Variants in JMJD1C observed in about 807,000 individuals in gnomAD.
JMJD1C encodes jumonji domain-containing protein 1C.
JMJD1C carries 31 observed loss-of-function variants against 245.3 expected under a neutral mutation model. The observed-to-expected ratio is 0.13, with a 90% CI of 0.09 to 0.17. JMJD1C has a LOEUF of 0.17. Ranked by LOEUF, JMJD1C falls within the 10% of genes least tolerant of loss-of-function variation. The probability of loss-of-function intolerance (pLI) is 1.00; values close to 1 mark genes in which losing one functional copy is unlikely to be tolerated. For missense variants in JMJD1C, 2,691 were observed against 3,000.2 expected, an observed-to-expected ratio of 0.90 and a Z score of 2.41; for synonymous variants, 1,057 against 1,017.4, an observed-to-expected ratio of 1.04 and a Z score of -0.74.
At chr10:63,272,974 AAC>A (rs1856472456) in intron 2 of JMJD1C, among the ~76,000 whole-genome samples, 1 of 152,236 alleles carries the variant, frequency 6.6e-6, no homozygotes, top group Non-Finnish European at 1.5e-5. Context: ...CATTCTTAGT[AAC>A]ACAAATGTAC....
intron 20 of JMJD1C, among the ~76,000 whole-genome samples, chr10:63,185,269 T>C (rs1241790466): frequency 6.6e-6 from 1 of 152,206 alleles, no homozygotes; most frequent in East Asian, 1.9e-4. Flanking sequence ...TAGCTGGGAC[T>C]ACAGATGCCT....
chr10:63,315,721 T>A (rs910746565), intron 2 of JMJD1C, among the ~76,000 whole-genome samples: 1 of 151,258 alleles, frequency 6.6e-6, no homozygotes, highest in East Asian at 1.9e-4. Context: ...GCACCTGTAG[T>A]CCCAGCTACT....
At chr10:63,357,864 C>G (rs867493654) in intron 2 of JMJD1C, among the ~76,000 whole-genome samples, 5 of 128,574 alleles carry the variant, frequency 3.9e-5, no homozygotes, top group African/African-American at 1.1e-4. Context: ...CACACACACA[C>G]ACAGAGACAA....
At chr10:63,276,196 G>A (rs1856751934) in intron 2 of JMJD1C, among the ~76,000 whole-genome samples, 1 of 152,164 alleles carries the variant, frequency 6.6e-6, no homozygotes, top group Admixed American at 6.5e-5. Context: ...GCCGGGCACG[G>A]TGGCTCATAC....
chr10:63,241,609 C>T (rs1365849625), intron 3 of JMJD1C, among the ~76,000 whole-genome samples: 1 of 147,688 alleles, frequency 6.8e-6, no homozygotes, highest in Non-Finnish European at 1.5e-5. Context: ...TCATTTTCTA[C>T]TAATTTTCAC....
intron 3 of JMJD1C, chr10:63,222,195 C>G: frequency 1.3e-6 from 1 of 756,182 alleles, no homozygotes; most frequent in Non-Finnish European, 2.5e-6. Flanking sequence ...ATCAACTTGA[C>G]TGACACCATG....
intron 1 of JMJD1C, among the ~76,000 whole-genome samples, chr10:63,458,356 C>T (rs969194485): frequency 6.6e-6 from 1 of 152,000 alleles, no homozygotes. Context: ...GGCATGGTGG[C>T]TCATTCCTGT....
At chr10:63,505,087 C>T (rs1023302178) in intron 1 of JMJD1C, among the ~76,000 whole-genome samples, 13 of 152,002 alleles carry the variant, frequency 8.6e-5, no homozygotes, top group Non-Finnish European at 1.6e-4. Context: ...CCTAGGCAGG[C>T]GGATCACGAG....
intron 1 of JMJD1C, among the ~76,000 whole-genome samples, chr10:63,479,466 T>C (rs1953764541): frequency 6.6e-6 from 1 of 152,116 alleles, no homozygotes; most frequent in African/African-American, 2.4e-5. Context: ...TACTCAAATG[T>C]CCTCAATTAC....
At chr10:63,516,271 T>G (rs1200289902) in intron 1 of JMJD1C, among the ~76,000 whole-genome samples, 1 of 149,948 alleles carries the variant, frequency 6.7e-6, no homozygotes, top group Non-Finnish European at 1.5e-5. Context: ...AGACTGCCTG[T>G]GAAATGAACT....
chr10:63,199,989 C>A (rs991406801), intron 11 of JMJD1C, among the ~76,000 whole-genome samples: 2 of 152,098 alleles, frequency 1.3e-5, no homozygotes, highest in African/African-American at 4.8e-5. Flanking sequence ...AGTTGTCCTA[C>A]CACAGTTAAT....
intron 1 of JMJD1C, among the ~76,000 whole-genome samples, chr10:63,413,968 A>G (rs910187500): frequency 1.3e-5 from 2 of 151,850 alleles, no homozygotes; most frequent in Non-Finnish European, 2.9e-5. Context: ...GGATTTCTTA[A>G]AAGTATGCTA....
intron 2 of JMJD1C, among the ~76,000 whole-genome samples, chr10:63,271,474 G>A (rs570837669): frequency 3.3e-5 from 5 of 152,118 alleles, no homozygotes; most frequent in South Asian, 4.1e-4. Context: ...CACCATGCCC[G>A]GATGTAAATA....
At chr10:63,443,254 T>C (rs1951499584) in intron 1 of JMJD1C, among the ~76,000 whole-genome samples, 2 of 152,174 alleles carry the variant, frequency 1.3e-5, no homozygotes, top group South Asian at 4.1e-4. Context: ...TCTCAGGGTG[T>C]CACCCTCTCA....
chr10:63,176,512 A>C (rs1842869911), intron 23 of JMJD1C, 39 bp from the exon 24 acceptor site: 1 of 1,459,830 alleles, frequency 6.9e-7, no homozygotes, highest in African/African-American at 1.4e-5. Context: ...AATTTAAGTA[A>C]GGAAATGGTA....
At chr10:63,269,890 T>C (rs932584866) in intron 2 of JMJD1C, among the ~76,000 whole-genome samples, 1 of 152,188 alleles carries the variant, frequency 6.6e-6, no homozygotes, top group Non-Finnish European at 1.5e-5. Context: ...TTGTCCAATA[T>C]GGTAGTTACT....
chr10:63,194,242 G>C (rs1412436478), intron 14 of JMJD1C, 44 bp downstream of exon 14: 4 of 1,201,458 alleles, frequency 3.3e-6, no homozygotes, highest in Non-Finnish European at 5.0e-6. Flanking sequence ...CCTTAATCTG[G>C]AGCAACCAAG....
intron 2 of JMJD1C, among the ~76,000 whole-genome samples, chr10:63,333,375 C>T (rs7902187): frequency 0.66 from 100,938 of 151,856 alleles, 36,146 homozygotes; most frequent in Non-Finnish European, 0.81. Flanking sequence ...GGCAACAGGG[C>T]GCAACCTCCT....
At chr10:63,263,448 T>C (rs1027980126) in intron 3 of JMJD1C, among the ~76,000 whole-genome samples, 8 of 152,322 alleles carry the variant, frequency 5.3e-5, no homozygotes, top group South Asian at 4.1e-4. Flanking sequence ...ATGGAAATAA[T>C]AGCTCTACAT....
Sources: gnomAD v4.1 joint callset for allele counts (sites outside exome capture counted in the v4.1 genomes callset) on GRCh38, gnomAD v4.1.1 for gene constraint, MANE v1.5 for transcripts, NCBI Gene and HGNC (gene_info 2026-07-23, HGNC 2026-07-21) for gene names.